CCDC110: variants seen among roughly 807,000 people sequenced by gnomAD.
CCDC110 encodes coiled-coil domain-containing protein 110.
A neutral mutation model predicts 77.1 loss-of-function variants in CCDC110; 70 were observed. The ratio of observed to expected loss-of-function variants is 0.91; its 90% CI spans 0.75 to 1.11. The LOEUF is 1.11. CCDC110 is among the 50% of genes least tolerant of loss of function. CCDC110 has a pLI of 0.00. For synonymous variants in CCDC110, 295 were observed against 312.5 expected (o/e 0.94, Z 0.59); for missense variants, 868 against 942.9 (o/e 0.92, Z 1.04).
chr4:185,467,920 C>T (rs896135256), intron 2 of CCDC110, among the ~76,000 whole-genome samples: 2 of 152,200 alleles, frequency 1.3e-5, no homozygotes, highest in Non-Finnish European at 2.9e-5. Context: ...AGGCATGTGC[C>T]AGCACACCCG....
chr4:185,457,985 T>C, intron 6 of CCDC110, 141 bp downstream of exon 6: 1 of 644,802 alleles, frequency 1.6e-6, no homozygotes, highest in Non-Finnish European at 2.4e-6. Context: ...ATAATTTCAC[T>C]GTATAATAAA....
rs368029395 is a variant in CCDC110 at position 185,458,916 on chromosome 4, C to A, written c.1671G>T (p.Met557Ile). Residue 557 changes from methionine (M) to isoleucine (I), a missense_variant, in exon 6 of 7, where the codon ATG (methionine) becomes ATT (isoleucine). Physicochemically the swap from Met to Ile is conservative, Grantham distance 10. Coordinates refer to ENST00000307588, the MANE Select transcript of CCDC110 (RefSeq NM_152775.4). ...GATTATTTTCATTATTTACAATGGC[C>A]ATATCACTTTGAGTTTTGTGTTCCT... ...KSKEHKTQSD[M>I]AIVNNENNRM... The A allele has an allele frequency of 3.3e-5, 53 of 1,608,958 alleles. No individual in the cohort carries two copies. Among genetic ancestry groups the A allele is most frequent in the East Asian group, 3.1e-4 (14 of 44,670 alleles).
At chr4:185,463,352 CA>C (rs930779969) in intron 2 of CCDC110, among the ~76,000 whole-genome samples, 1 of 151,910 alleles carries the variant, frequency 6.6e-6, no homozygotes, top group Non-Finnish European at 1.5e-5. Flanking sequence ...AAACTGCATT[CA>C]AAAAAAACCT....
rs773593948 is a variant in CCDC110 at position 185,458,196 on chromosome 4, G to T, written c.2391C>A (p.Phe797Leu). 1 of 1,605,486 alleles carries T rather than the reference G, an allele frequency of 6.2e-7. No individual in the cohort carries two copies. Among genetic ancestry groups the T allele is most frequent in the Non-Finnish European group, 8.5e-7 (1 of 1,177,802 alleles). Residue 797 changes from phenylalanine to leucine, a missense_variant, in exon 6 of 7, where the codon TTC becomes TTA. Physicochemically the swap from Phe to Leu is conservative, Grantham distance 22 (BLOSUM62 0). Coordinates refer to ENST00000307588, the MANE Select transcript of CCDC110 (RefSeq NM_152775.4). ...CTTCGTGAGTATAGTTGTCAAAATG[G>T]AATTTCTCTCTTCTTGAAATGTAAG... is the stretch of plus-strand genomic sequence containing the variant. ...KTTYISRREK[F>L]HFDNYTHEDT...
Position 185,460,120 on chromosome 4 carries a change from T to C in CCDC110, c.467A>G (p.Gln156Arg), listed in dbSNP as rs2095643422. 4 of 1,613,544 alleles carry C rather than the reference T, an allele frequency of 2.5e-6. No individual in the cohort carries two copies. The Admixed American group carries it at 6.7e-5, about 27-fold the overall frequency. The change falls in exon 6 of 7, where the codon CAA becomes CGA. Residue 156 changes from glutamine (Q) to arginine (R), a missense_variant. By Grantham distance (43) the Gln-to-Arg change is conservative. Transcript: ENST00000307588. The stretch of plus-strand genomic sequence containing the variant: ...TATCTGGGATGGAACATTTACACTT[T>C]GAGGGAGACTGTTCACACTATCACC... ...LSGDSVNSLP[Q>R]SVNVPSQIHS...
intron 6 of CCDC110, among the ~76,000 whole-genome samples, chr4:185,449,379 G>C (rs1274782741): frequency 6.6e-6 from 1 of 152,020 alleles, no homozygotes; most frequent in Non-Finnish European, 1.5e-5. Context: ...AAATTAGCCA[G>C]GCATGATGGC....
At chr4:185,458,062 G>T in intron 6 of CCDC110, 64 bp downstream of exon 6, 2 of 1,117,138 alleles carry the variant, frequency 1.8e-6, no homozygotes, top group Non-Finnish European at 2.5e-6. Flanking sequence ...TCTGTACTCT[G>T]TAGTGCCCAA....
chr4:185,456,599 C>T (rs2095636386), intron 6 of CCDC110, among the ~76,000 whole-genome samples: 1 of 152,166 alleles, frequency 6.6e-6, no homozygotes, highest in South Asian at 2.1e-4. Context: ...CGTTAAAATG[C>T]TAATAAGGAA....
intron 6 of CCDC110, 135 bp from the exon 7 acceptor site, chr4:185,445,677 T>C: frequency 3.5e-6 from 2 of 570,518 alleles, no homozygotes; most frequent in East Asian, 6.0e-5. Flanking sequence ...ACTGAAAAAG[T>C]TCTTTGGAGT....
chr4:185,471,704 G>T lies in CCDC110; in HGVS notation c.-21C>A. ...CTCATCGCCGCGGCTCATCTCTCTCGCAACCGCCGCCGCACGCACCCGCTC... is the reference window on the plus strand; with the variant it reads ...CTCATCGCCGCGGCTCATCTCTCTCTCAACCGCCGCCGCACGCACCCGCTC... On this transcript the variant is annotated 5_prime_UTR_variant, in exon 1 of 7. Transcript: ENST00000307588. 6.5e-7 allele frequency: 1 copy of T among 1,538,228 alleles called. No individual in the cohort carries two copies. Among genetic ancestry groups the T allele is most frequent in the Non-Finnish European group, 8.7e-7 (1 of 1,146,296 alleles).
Position 185,445,288 on chromosome 4 carries a change from C to G in CCDC110, c.*214G>C. ...CTCCTTCCATGTACAGGTACCTGCC[C>G]TCCCTTGTAGAAGTTCTCCCCCATC... On this transcript the variant is annotated 3_prime_UTR_variant, in exon 7 of 7. Transcript: ENST00000307588. 1 of 733,604 alleles carries G rather than the reference C, an allele frequency of 1.4e-6. No individual in the cohort carries two copies. Among genetic ancestry groups the G allele is most frequent in the Non-Finnish European group, 2.2e-6 (1 of 458,518 alleles). The allele number at this position is 733,604 out of a possible 1,614,324, so 45.4% of individuals were successfully genotyped here.
intron 6 of CCDC110, among the ~76,000 whole-genome samples, chr4:185,454,533 G>A (rs1222518760): frequency 2.0e-5 from 3 of 151,864 alleles, no homozygotes; most frequent in African/African-American, 2.4e-5. Flanking sequence ...GGCCAACATA[G>A]TGAAACCTCA....
At chr4:185,470,527 G>A (rs1352865585) in intron 2 of CCDC110, 7 of 370,660 alleles carry the variant, frequency 1.9e-5, no homozygotes, top group East Asian at 1.5e-4. Context: ...CAGATACCGA[G>A]GGCTGACTGC....
At position 185,445,466 on chromosome 4, in the gene CCDC110, TTC is replaced by T. The variant is rs761581446; in HGVS notation, c.*34_*35del. 3 of 1,470,598 alleles carry T rather than the reference TTC, an allele frequency of 2.0e-6. No individual in the cohort carries two copies. Among genetic ancestry groups the T allele is most frequent in the Non-Finnish European group, 2.8e-6 (3 of 1,061,072 alleles). 91.1% of individuals were successfully genotyped at this position (1,470,598 alleles called of 1,614,324 possible). A position where few individuals can be genotyped will look rare whatever the true frequency, so the allele number is the denominator to read the frequency against. ...TAGCAGTACAATTAACATTGGCTAT[TTC>T]TCGAAGGGAGTTTCTTAGCAATCTT... On this transcript the variant is annotated 3_prime_UTR_variant, in exon 7 of 7. Transcript: ENST00000307588.
chr4:185,470,159 C>A (rs766472152), intron 2 of CCDC110, among the ~76,000 whole-genome samples: 6 of 152,190 alleles, frequency 3.9e-5, no homozygotes, highest in Non-Finnish European at 8.8e-5. Flanking sequence ...CATATAATAT[C>A]CTGTAGTCCG....
intron 6 of CCDC110, among the ~76,000 whole-genome samples, chr4:185,453,806 C>T (rs775309355): frequency 2.2e-5 from 3 of 135,152 alleles, no homozygotes; most frequent in Non-Finnish European, 4.6e-5. Context: ...TCAGCCTTCT[C>T]GTTGCTATTT....
intron 6 of CCDC110, among the ~76,000 whole-genome samples, chr4:185,449,088 T>C (rs974129336): frequency 1.8e-4 from 28 of 152,244 alleles, no homozygotes; most frequent in Non-Finnish European, 1.9e-4. Context: ...TTGTTTTCCT[T>C]CTTAAATTGT....
rs1322142660 is a variant in CCDC110, at chr4:185,446,785, TA to T, written c.2462-1244del. Reference sequence around the variant, plus strand: ...TATGTACTTTAAGATGTGTTTTCTATAAAAAAAATTGAAGTTATCTTCTGGT... The same window carrying T: ...TATGTACTTTAAGATGTGTTTTCTATAAAAAAATTGAAGTTATCTTCTGGT... On this transcript the variant is annotated intron_variant, in intron 6 of 6. Transcript: ENST00000307588. 1.9e-4 allele frequency among the ~76,000 whole-genome samples: 29 copies of T among 152,238 alleles called. 1 individual carries two copies. The East Asian group carries it at 3.3e-3, about 17-fold the overall frequency.
At chr4:185,454,768 CTGT>C (rs1279485262) in intron 6 of CCDC110, among the ~76,000 whole-genome samples, 3 of 151,990 alleles carry the variant, frequency 2.0e-5, no homozygotes, top group Non-Finnish European at 2.9e-5. Context: ...CTAAGCTTTG[CTGT>C]TGTTGTTAAC....
Sources: gnomAD v4.1 joint callset for allele counts (sites outside exome capture counted in the v4.1 genomes callset) on GRCh38, gnomAD v4.1.1 for gene constraint, MANE v1.5 for transcripts, NCBI Gene and HGNC (gene_info 2026-07-23, HGNC 2026-07-21) for gene names.